MBOAT1: variants seen among roughly 807,000 people sequenced by gnomAD.
The protein encoded by MBOAT1 is membrane bound glycerophospholipid O-acyltransferase 1.
A neutral mutation model predicts 64.4 loss-of-function variants in MBOAT1; 67 were observed. The ratio of observed to expected loss-of-function variants is 1.04; its 90% CI spans 0.85 to 1.27. The LOEUF is 1.27. Among genes scored for constraint, MBOAT1 ranks in the 50% most tolerant of loss-of-function variants. The probability of loss-of-function intolerance (pLI) is 0.00; values close to 1 mark genes in which losing one functional copy is unlikely to be tolerated. For synonymous variants in MBOAT1, 229 were observed against 218.9 expected (o/e 1.05, Z -0.41); for missense variants, 563 against 604.6 (o/e 0.93, Z 0.72).
chr6:20,137,663 A>G (rs1009969197), intron 4 of MBOAT1, among the ~76,000 whole-genome samples: 1 of 152,166 alleles, frequency 6.6e-6, no homozygotes, highest in Non-Finnish European at 1.5e-5. Flanking sequence ...TGAAAAATAC[A>G]ATTTCAAGTC....
chr6:20,185,340 C>G (rs781627125), intron 1 of MBOAT1, among the ~76,000 whole-genome samples: 1 of 152,170 alleles, frequency 6.6e-6, no homozygotes, highest in Non-Finnish European at 1.5e-5. Flanking sequence ...TTTGGTCAAA[C>G]ATTATTCTAG....
At chr6:20,199,210 T>A (rs2113767672) in intron 1 of MBOAT1, among the ~76,000 whole-genome samples, 1 of 152,340 alleles carries the variant, frequency 6.6e-6, no homozygotes, top group East Asian at 1.9e-4. Context: ...GAATCATTTA[T>A]TGCTCAGTTA....
intron 7 of MBOAT1, among the ~76,000 whole-genome samples, chr6:20,125,536 G>A (rs1760624699): frequency 6.6e-6 from 1 of 152,222 alleles, no homozygotes; most frequent in Non-Finnish European, 1.5e-5. Flanking sequence ...CTTGGAGAGT[G>A]GCAGAAAGAC....
At chr6:20,110,457 C>T (rs1346144666) in intron 11 of MBOAT1, among the ~76,000 whole-genome samples, 1 of 149,758 alleles carries the variant, frequency 6.7e-6, no homozygotes, top group East Asian at 2.0e-4. Context: ...GTCAAGCAAT[C>T]CTTCTGCCTC....
At chr6:20,123,154 A>G (rs1329783391) in intron 8 of MBOAT1, among the ~76,000 whole-genome samples, 2 of 152,096 alleles carry the variant, frequency 1.3e-5, no homozygotes, top group African/African-American at 2.4e-5. Context: ...TTTTTTTAAA[A>G]AAAAAGTAAT....
intron 1 of MBOAT1, among the ~76,000 whole-genome samples, chr6:20,178,178 T>C (rs761949262): frequency 5.3e-5 from 8 of 152,220 alleles, no homozygotes; most frequent in Non-Finnish European, 8.8e-5. Flanking sequence ...TTAAAAAATC[T>C]ACTACTTTGG....
intron 1 of MBOAT1, among the ~76,000 whole-genome samples, chr6:20,186,812 G>C (rs1480842175): frequency 2.0e-5 from 3 of 152,170 alleles, no homozygotes; most frequent in Non-Finnish European, 4.4e-5. Flanking sequence ...ACAGAGACTT[G>C]GGTCAGGCTC....
chr6:20,195,934 A>G (rs1371273817), intron 1 of MBOAT1, among the ~76,000 whole-genome samples: 1 of 152,048 alleles, frequency 6.6e-6, no homozygotes, highest in East Asian at 1.9e-4. Context: ...GAAGGAAGAA[A>G]GGAAGGTTGT....
intron 12 of MBOAT1, among the ~76,000 whole-genome samples, chr6:20,103,239 G>A (rs1759852406): frequency 6.6e-6 from 1 of 152,132 alleles, no homozygotes; most frequent in South Asian, 2.1e-4. Flanking sequence ...ATGTGGAGGT[G>A]GAAGACAGTG....
intron 12 of MBOAT1, among the ~76,000 whole-genome samples, chr6:20,106,387 A>G (rs969476694): frequency 1.3e-5 from 2 of 152,174 alleles, no homozygotes; most frequent in Non-Finnish European, 2.9e-5. Context: ...CCAGCATCTC[A>G]GATGGCACAG....
intron 1 of MBOAT1, among the ~76,000 whole-genome samples, chr6:20,194,702 C>T (rs1762905434): frequency 6.6e-6 from 1 of 152,196 alleles, no homozygotes; most frequent in African/African-American, 2.4e-5. Flanking sequence ...ACTCCCCTTT[C>T]CATACTGTAC....
chr6:20,124,386 A>C (rs1230158100), intron 8 of MBOAT1, 22 bp downstream of exon 8: 2 of 1,603,258 alleles, frequency 1.2e-6, no homozygotes, highest in East Asian at 4.5e-5. Context: ...TCATTCAGTT[A>C]CAGCTACTCC....
At chr6:20,210,121 C>T (rs1465505640) in intron 1 of MBOAT1, among the ~76,000 whole-genome samples, 1 of 152,200 alleles carries the variant, frequency 6.6e-6, no homozygotes, top group Non-Finnish European at 1.5e-5. Context: ...CAAGAACCTT[C>T]CTAATGTCGG....
chr6:20,147,022 G>A (rs13203545), intron 3 of MBOAT1, among the ~76,000 whole-genome samples: 30,168 of 152,156 alleles, frequency 0.2, 3,662 homozygotes, highest in East Asian at 0.43. Context: ...TGCTGTTCTC[G>A]TGATAGTGAG....
chr6:20,206,428 C>T (rs1468436564), intron 1 of MBOAT1, among the ~76,000 whole-genome samples: 1 of 152,222 alleles, frequency 6.6e-6, no homozygotes, highest in Non-Finnish European at 1.5e-5. Flanking sequence ...GCCGCCTCGG[C>T]CTCCCAAAGT....
At chr6:20,168,416 G>A (rs1472139548) in intron 1 of MBOAT1, among the ~76,000 whole-genome samples, 1 of 151,228 alleles carries the variant, frequency 6.6e-6, no homozygotes, top group Non-Finnish European at 1.5e-5. Context: ...AGTGAGCTGA[G>A]ATCACCCCAC....
At chr6:20,182,131 TC>T (rs1762527535) in intron 1 of MBOAT1, among the ~76,000 whole-genome samples, 1 of 152,212 alleles carries the variant, frequency 6.6e-6, no homozygotes, top group South Asian at 2.1e-4. Flanking sequence ...TTTGACATTG[TC>T]TTAGTCCATT....
At chr6:20,142,450 G>A (rs371761781) in intron 4 of MBOAT1, among the ~76,000 whole-genome samples, 1 of 151,946 alleles carries the variant, frequency 6.6e-6, no homozygotes, top group African/African-American at 2.4e-5. Context: ...TGCATGTTGG[G>A]CTTTTTGTTT....
chr6:20,132,783 T>C (rs1250582236), intron 4 of MBOAT1, among the ~76,000 whole-genome samples: 3 of 152,230 alleles, frequency 2.0e-5, no homozygotes, highest in African/African-American at 7.2e-5. Context: ...GAAAAGATAT[T>C]TCAAGGAATG....
Sources: gnomAD v4.1 joint callset for allele counts (sites outside exome capture counted in the v4.1 genomes callset) on GRCh38, gnomAD v4.1.1 for gene constraint, MANE v1.5 for transcripts, NCBI Gene and HGNC (gene_info 2026-07-23, HGNC 2026-07-21) for gene names.